The following CACNA1A variants were observed in gnomAD, a reference collection of about 807,000 sequenced individuals.
The protein encoded by CACNA1A is calcium voltage-gated channel subunit alpha1 A, also known as voltage-dependent P/Q-type calcium channel subunit alpha-1A.
CACNA1A carries 57 observed loss-of-function variants against 262.4 expected under a neutral mutation model. The observed-to-expected ratio is 0.22, with a 90% CI of 0.18 to 0.27. The LOEUF (loss-of-function observed/expected upper bound fraction) is 0.27. Among genes scored for constraint, CACNA1A ranks in the 10% least tolerant of loss-of-function variants. The pLI, the probability that CACNA1A is intolerant of heterozygous loss-of-function variation, is 1.00. For missense variants in CACNA1A, 2,526 were observed against 3,562.8 expected (o/e 0.71, Z 7.41); for synonymous variants, 1,431 against 1,419.3 (o/e 1.01, Z -0.18).
At chr19:13,461,935 C>T (rs184576579) in intron 1 of CACNA1A, among the ~76,000 whole-genome samples, 8 of 152,200 alleles carry the variant, frequency 5.3e-5, no homozygotes, top group African/African-American at 1.7e-4. Flanking sequence ...AGACACAGAG[C>T]TCTATACACA....
chr19:13,380,699 A>G lies in CACNA1A; in HGVS notation c.540-8920T>C, dbSNP rs78093941. Among the ~76,000 whole-genome samples the G allele has an allele frequency of 3.8e-3, 578 of 151,312 alleles. 6 individuals carry two copies. The highest frequency in any genetic ancestry group is 0.013 in the African/African-American group (530 of 41,348). On this transcript the variant is annotated intron_variant, in intron 3 of 46. Transcript: ENST00000360228. ...AAAATTTGCTAGTAGCCACATTAAAAAAGTAAAAAGAAACAGGTAAAATTC... is the reference window on the plus strand; with the variant it reads ...AAAATTTGCTAGTAGCCACATTAAAGAAGTAAAAAGAAACAGGTAAAATTC...
At chr19:13,209,052 G>A (rs1247415959) in intron 45 of CACNA1A, 43 bp from the exon 46 acceptor site, 2 of 1,536,286 alleles carry the variant, frequency 1.3e-6, no homozygotes, top group Admixed American at 2.0e-5. Context: ...GTGGTCGTGA[G>A]GGAGAGGTGG....
chr19:13,465,895 T>C (rs1291161197), intron 1 of CACNA1A, among the ~76,000 whole-genome samples: 1 of 152,208 alleles, frequency 6.6e-6, no homozygotes, highest in Non-Finnish European at 1.5e-5. Flanking sequence ...GGTTTATCTG[T>C]TCATCCATGG....
At chr19:13,430,972 G>A (rs547650930) in intron 3 of CACNA1A, among the ~76,000 whole-genome samples, 2 of 152,110 alleles carry the variant, frequency 1.3e-5, no homozygotes, top group Admixed American at 1.3e-4. Context: ...AGGCCCTGAG[G>A]CTGGGGAGTG....
At chr19:13,305,248 C>T (rs1051176705) in intron 15 of CACNA1A, among the ~76,000 whole-genome samples, 5 of 152,168 alleles carry the variant, frequency 3.3e-5, no homozygotes, top group Non-Finnish European at 5.9e-5. Context: ...TATCCACCAA[C>T]GGCTGCTCCT....
intron 3 of CACNA1A, among the ~76,000 whole-genome samples, chr19:13,372,341 T>A (rs1469959911): frequency 6.6e-6 from 1 of 152,064 alleles, no homozygotes; most frequent in East Asian, 1.9e-4. Context: ...GGGTACTTTT[T>A]TTTGTATTTT....
At chr19:13,485,643 C>T (rs538768169) in intron 1 of CACNA1A, among the ~76,000 whole-genome samples, 21 of 152,164 alleles carry the variant, frequency 1.4e-4, no homozygotes, top group South Asian at 1.0e-3. Flanking sequence ...AATTTGCAAT[C>T]GGGGGATGCA....
At chr19:13,471,057 A>G (rs2061339052) in intron 1 of CACNA1A, among the ~76,000 whole-genome samples, 1 of 151,972 alleles carries the variant, frequency 6.6e-6, no homozygotes, top group East Asian at 1.9e-4. Flanking sequence ...GTGCCTCTAC[A>G]TGTCTTTTGG....
At chr19:13,369,014 G>A (rs1034858777) in intron 4 of CACNA1A, among the ~76,000 whole-genome samples, 3 of 124,442 alleles carry the variant, frequency 2.4e-5, no homozygotes. Flanking sequence ...CTCCAGCCTG[G>A]GCGACAGAGC....
At chr19:13,490,339 TCA>T (rs1223640402) in intron 1 of CACNA1A, among the ~76,000 whole-genome samples, 8 of 152,090 alleles carry the variant, frequency 5.3e-5, no homozygotes, top group African/African-American at 1.7e-4. Flanking sequence ...GCGTGGTAGC[TCA>T]CGCCTGTAAT....
chr19:13,491,106 A>G (rs536522758), intron 1 of CACNA1A, among the ~76,000 whole-genome samples: 1 of 152,178 alleles, frequency 6.6e-6, no homozygotes, highest in African/African-American at 2.4e-5. Flanking sequence ...TCGCACACCA[A>G]CCTCTCTGGA....
chr19:13,373,799 T>C (rs1292735685), intron 3 of CACNA1A, among the ~76,000 whole-genome samples: 1 of 152,192 alleles, frequency 6.6e-6, no homozygotes, highest in Non-Finnish European at 1.5e-5. Flanking sequence ...TTTTCCACCA[T>C]CCACAAGTGG....
intron 24 of CACNA1A, among the ~76,000 whole-genome samples, chr19:13,268,992 C>A (rs1302031269): frequency 6.7e-6 from 1 of 149,984 alleles, no homozygotes; most frequent in African/African-American, 2.5e-5. Context: ...AGCCACCGCA[C>A]CCGGCTTTAT....
At chr19:13,306,156 T>C (rs558199880) in intron 15 of CACNA1A, among the ~76,000 whole-genome samples, 27 of 151,960 alleles carry the variant, frequency 1.8e-4, no homozygotes, top group African/African-American at 6.5e-4. Context: ...ATTTAGAAAC[T>C]ACCTCCCCAG....
At chr19:13,384,073 C>A (rs977973212) in intron 3 of CACNA1A, among the ~76,000 whole-genome samples, 2 of 152,186 alleles carry the variant, frequency 1.3e-5, no homozygotes, top group Non-Finnish European at 2.9e-5. Flanking sequence ...TCATCTTGGT[C>A]TCTTAGTGTT....
rs768312851 is a variant in CACNA1A, at chr19:13,208,799, G to A, written c.6737C>T (p.Ser2246Phe). 4.2e-5 allele frequency: 64 copies of A among 1,541,392 alleles called. No homozygotes were observed. The highest frequency in any genetic ancestry group is 5.5e-5 in the Non-Finnish European group (63 of 1,152,564). Residue 2246 changes from serine (S) to phenylalanine (F), a missense_variant, in exon 46 of 47, where the codon TCC (serine) becomes TTC (phenylalanine). Physicochemically the swap from Ser to Phe is radical, Grantham distance 155. This residue lies in a region of CACNA1A where 929 missense variants were observed against 868.1 expected (regional missense o/e 1.07). Transcript: ENST00000360228. ...CTCTCGGCCCTCGCTGGGCGAGCGGGACCAGCGCTGGTCCCGAGCCCGTGC... is the reference window on the plus strand; with the variant it reads ...CTCTCGGCCCTCGCTGGGCGAGCGGAACCAGCGCTGGTCCCGAGCCCGTGC... Reference protein sequence around the residue: ...GRARARDQRWSRSPSEGREHM... With the variant: ...GRARARDQRWFRSPSEGREHM...
At chr19:13,292,615 CA>C (rs900161835) in intron 19 of CACNA1A, among the ~76,000 whole-genome samples, 86 of 140,028 alleles carry the variant, frequency 6.1e-4, no homozygotes, top group Middle Eastern at 3.6e-3. Flanking sequence ...GACCATGTCT[CA>C]AAAAAAAAAA....
chr19:13,462,863 G>T (rs1016627458), intron 1 of CACNA1A, among the ~76,000 whole-genome samples: 3 of 152,090 alleles, frequency 2.0e-5, no homozygotes, highest in Non-Finnish European at 4.4e-5. Flanking sequence ...AGGCTCAAGC[G>T]ATCCACCCAC....
At chr19:13,498,540 C>T (rs1043037353) in intron 1 of CACNA1A, among the ~76,000 whole-genome samples, 3 of 152,062 alleles carry the variant, frequency 2.0e-5, no homozygotes, top group Admixed American at 2.0e-4. Flanking sequence ...GAGCAACAGG[C>T]ACCTTTAAGG....
Sources: gnomAD v4.1 joint callset for allele counts (sites outside exome capture counted in the v4.1 genomes callset) on GRCh38, gnomAD v4.1.1 for gene constraint, gnomAD v4.1.1 regional missense constraint, MANE v1.5 for transcripts, NCBI Gene and HGNC (gene_info 2026-07-23, HGNC 2026-07-21) for gene names.